SPON2: variants seen among roughly 807,000 people sequenced by gnomAD.
The protein encoded by SPON2 is spondin-2.
A neutral mutation model predicts 29.9 loss-of-function variants in SPON2; 32 were observed. The ratio of observed to expected loss-of-function variants is 1.07; its 90% CI spans 0.81 to 1.44. SPON2 has a LOEUF of 1.44. Among genes scored for constraint, SPON2 ranks in the 40% most tolerant of loss-of-function variants. SPON2 has a pLI of 0.00. For synonymous variants in SPON2, 248 were observed against 209.1 expected (o/e 1.19, Z -1.61); for missense variants, 541 against 455.5 (o/e 1.19, Z -1.71).
chr4:1,200,584 G>A (rs909199159), intron 1 of SPON2: 3 of 343,596 alleles, frequency 8.7e-6, no homozygotes, highest in Admixed American at 3.9e-5. Flanking sequence ...CCACGGGAAC[G>A]TGGTTTCCTC....
chr4:1,186,015 C>A (rs544433047), intron 1 of SPON2, among the ~76,000 whole-genome samples: 1 of 150,964 alleles, frequency 6.6e-6, no homozygotes, highest in African/African-American at 2.4e-5. Context: ...GAGGCCGAGG[C>A]GGGCGGATCA....
intron 1 of SPON2, among the ~76,000 whole-genome samples, chr4:1,188,202 C>CAAAA (rs1164276990): frequency 7.2e-3 from 262 of 36,442 alleles, no homozygotes; most frequent in Middle Eastern, 0.016. Flanking sequence ...GACTCCGTCT[C>CAAAA]AAAAAAAAAA....
At chr4:1,189,769 A>T (rs929568452) in intron 1 of SPON2, among the ~76,000 whole-genome samples, 2 of 151,848 alleles carry the variant, frequency 1.3e-5, no homozygotes, top group Admixed American at 6.6e-5. Flanking sequence ...CGGGCGGATC[A>T]CAAGGTCGGG....
chr4:1,169,744 C>T (rs1399391432), intron 5 of SPON2: 2 of 152,804 alleles, frequency 1.3e-5, no homozygotes, highest in African/African-American at 4.8e-5. Flanking sequence ...ACTGACTGTC[C>T]CACACCCATA....
Position 1,170,559 on chromosome 4 carries a change from G to T in SPON2, c.654C>A (p.Pro218=). The change falls in exon 5 of 6, where the codon CCC becomes CCA. Residue 218 remains proline, a synonymous_variant. Coordinates refer to ENST00000290902, the MANE Select transcript of SPON2 (RefSeq NM_012445.4). The stretch of plus-strand genomic sequence containing the variant: ...AGTAGAAGGAGTTGGCCGGGTGGCT[G>T]GGAGAGGAGGACGTTATCTGGGGAG... ...DTVTEITSSS[P]SHPANSFYYP... is the part of the protein sequence containing the mutation. 1 of 1,612,644 alleles carries T rather than the reference G, an allele frequency of 6.2e-7. No individual in the cohort carries two copies. Among genetic ancestry groups the T allele is most frequent in the Non-Finnish European group, 8.5e-7 (1 of 1,179,596 alleles).
Position 1,167,257 on chromosome 4 carries a change from C to G in SPON2, c.*215G>C. On this transcript the variant is annotated 3_prime_UTR_variant, in exon 6 of 6. Transcript: ENST00000290902. ...GAGAGCAGACGGGACACGGGGGCCCCTAAGAAGCAAGGTTGGGAAAGGAGG... is the reference window on the plus strand; with the variant it reads ...GAGAGCAGACGGGACACGGGGGCCCGTAAGAAGCAAGGTTGGGAAAGGAGG... 5.6e-6 allele frequency: 3 copies of G among 532,528 alleles called. No individual in the cohort carries two copies. Among genetic ancestry groups the G allele is most frequent in the Non-Finnish European group, 6.6e-6 (2 of 304,598 alleles). The allele number at this position is 532,528 out of a possible 1,614,324, so 33.0% of individuals were successfully genotyped here.
intron 1 of SPON2, among the ~76,000 whole-genome samples, chr4:1,193,567 G>A (rs912599508): frequency 3.4e-4 from 47 of 140,236 alleles, no homozygotes; most frequent in African/African-American, 1.2e-3. Context: ...GGTCACTCCC[G>A]TAGGACCTGC....
chr4:1,172,156 T>C (rs1727481650), intron 1 of SPON2, 82 bp from the exon 2 acceptor site: 17 of 1,288,152 alleles, frequency 1.3e-5, no homozygotes, highest in Non-Finnish European at 1.4e-5. Context: ...CTGCGGCACT[T>C]TGGGCTCTGA....
intron 1 of SPON2, among the ~76,000 whole-genome samples, chr4:1,200,322 A>G (rs1234164262): frequency 2.0e-5 from 3 of 150,080 alleles, no homozygotes; most frequent in African/African-American, 7.3e-5. Context: ...AGCCTGCAGA[A>G]CGGAGTCCAG....
At chr4:1,170,245 G>T in intron 5 of SPON2, 157 bp downstream of exon 5, 1 of 724,754 alleles carries the variant, frequency 1.4e-6, no homozygotes, top group Non-Finnish European at 2.4e-6. Context: ...TTCAGTGTGT[G>T]AATCAACAGA....
chr4:1,198,069 C>CTA (rs1728108947), upstream of SPON2, among the ~76,000 whole-genome samples: 1 of 139,430 alleles, frequency 7.2e-6, no homozygotes, highest in African/African-American at 2.6e-5. Context: ...AAAACTAAAA[C>CTA]AAATAAATGA....
chr4:1,205,520 G>C, intron 1 of SPON2, among the ~76,000 whole-genome samples: 1 of 152,218 alleles, frequency 6.6e-6, no homozygotes, highest in East Asian at 1.9e-4. Flanking sequence ...CTAAGGTTCA[G>C]GGTTAAAAAC....
intron 1 of SPON2, among the ~76,000 whole-genome samples, chr4:1,206,024 G>T (rs1465765633): frequency 6.6e-6 from 1 of 151,980 alleles, no homozygotes; most frequent in Non-Finnish European, 1.5e-5. Flanking sequence ...GGTTGGGGGC[G>T]GAGCTTTTGG....
intron 1 of SPON2, among the ~76,000 whole-genome samples, chr4:1,183,265 AAG>A (rs148756230): frequency 2.6e-5 from 4 of 151,568 alleles, no homozygotes; most frequent in Admixed American, 1.3e-4. Context: ...ACAAAAAAGA[AAG>A]AGAGAGAAAA....
chr4:1,179,946 T>A (rs1727675561), intron 1 of SPON2, among the ~76,000 whole-genome samples: 1 of 151,362 alleles, frequency 6.6e-6, no homozygotes, highest in African/African-American at 2.4e-5. Context: ...CCCAAGGTGG[T>A]GGCTAACAGT....
intron 1 of SPON2, among the ~76,000 whole-genome samples, chr4:1,191,641 C>T (rs1035858449): frequency 2.0e-5 from 3 of 152,158 alleles, no homozygotes; most frequent in African/African-American, 4.8e-5. Flanking sequence ...TCCTCTCACA[C>T]CTTGGCTCAG....
chr4:1,171,349 C>T lies in SPON2; in HGVS notation c.358G>A (p.Val120Met), dbSNP rs375258374. 3.1e-6 allele frequency: 5 copies of T among 1,609,892 alleles called. No homozygotes were observed. The highest frequency in any genetic ancestry group is 2.2e-5 in the East Asian group (1 of 44,826). Residue 120 changes from valine to methionine, a missense_variant, in exon 3 of 6, where the codon GTG becomes ATG. Val to Met is a conservative substitution (Grantham distance 21). Transcript: ENST00000290902. The stretch of plus-strand genomic sequence containing the variant: ...GCGGGCGCCGAAAACACCGCGTGCA[C>T]GCTCTGCAGCGCCTCCCCCGCCGCC... ...IEAAGEALQS[V>M]HAVFSAPAVP... is the part of the protein sequence containing the mutation.
intron 1 of SPON2, among the ~76,000 whole-genome samples, chr4:1,180,825 G>T (rs1727689495): frequency 6.6e-6 from 1 of 152,190 alleles, no homozygotes; most frequent in Non-Finnish European, 1.5e-5. Context: ...TAAATTGAAA[G>T]TATCCAGCTT....
chr4:1,171,596 G>A, intron 2 of SPON2, 110 bp from the exon 3 acceptor site: 2 of 1,182,628 alleles, frequency 1.7e-6, no homozygotes, highest in Non-Finnish European at 2.4e-6. Context: ...GGGAACCATG[G>A]CCCCCAGTCA....
Sources: allele counts gnomAD v4.1 joint callset (sites outside exome capture counted in the v4.1 genomes callset), GRCh38; gene constraint gnomAD v4.1.1; transcripts MANE v1.5; gene names NCBI Gene and HGNC (gene_info 2026-07-23, HGNC 2026-07-21).